The following DGKK variants were observed in gnomAD, a reference collection of about 807,000 sequenced individuals.
DGKK encodes diacylglycerol kinase kappa.
Under a neutral mutation model 92.2 loss-of-function variants are expected in DGKK, and 35 were observed. That is an observed-to-expected ratio of 0.38 (90% CI 0.29 to 0.50). The LOEUF is 0.50. Among genes scored for constraint, DGKK ranks in the 20% least tolerant of loss-of-function variants. The probability of loss-of-function intolerance (pLI) is 0.92; values close to 1 mark genes in which losing one functional copy is unlikely to be tolerated. For synonymous variants in DGKK, 368 were observed against 360.6 expected (o/e 1.02, Z -0.23); for missense variants, 910 against 992.2 (o/e 0.92, Z 1.11).
At chrX:50,386,231 T>C (rs1424762660) in intron 15 of DGKK, 127 bp downstream of exon 15, 3 of 501,352 alleles carry the variant, frequency 6.0e-6, no homozygotes, top group African/African-American at 4.8e-5. Context: ...GTATACAATA[T>C]GAATGCAGAA....
rs1925065193 is a variant in DGKK, at chrX:50,403,520, C to A, written c.1156G>T (p.Asp386Tyr). 1 of 1,208,701 alleles carries A rather than the reference C, an allele frequency of 8.3e-7. No homozygotes were observed. Among genetic ancestry groups the A allele is most frequent in the African/African-American group, 1.8e-5 (1 of 57,026 alleles). Reference protein sequence around the residue: ...DCKWNTLSITDDLLLPADEVN... With the variant: ...DCKWNTLSITYDLLLPADEVN... Reference sequence around the variant, plus strand: ...TCATCTGCAGGCAGAAGGAGGTCATCAGTGATAGACAATGTATTCCACTTG... The same window carrying A: ...TCATCTGCAGGCAGAAGGAGGTCATAAGTGATAGACAATGTATTCCACTTG... Residue 386 changes from aspartate to tyrosine, a missense_variant, in exon 6 of 28, where the codon GAT becomes TAT. Physicochemically the swap from Asp to Tyr is radical, Grantham distance 160. Transcript: ENST00000611977.
intron 15 of DGKK, among the ~76,000 whole-genome samples, chrX:50,386,001 A>G (rs782175980): frequency 8.9e-6 from 1 of 111,916 alleles, no homozygotes; most frequent in Admixed American, 9.5e-5. Flanking sequence ...CAGTGGTTGG[A>G]AAGAAACAGG....
At chrX:50,404,503 T>TGA (rs1925098734) in intron 4 of DGKK, among the ~76,000 whole-genome samples, 1 of 102,917 alleles carries the variant, frequency 9.7e-6, no homozygotes, top group Admixed American at 1.1e-4. Flanking sequence ...TGGAGTGCAG[T>TGA]GTCGCAATCT....
At chrX:50,428,706 C>T (rs1557229957) in intron 1 of DGKK, among the ~76,000 whole-genome samples, 1 of 111,768 alleles carries the variant, frequency 8.9e-6, no homozygotes, top group Admixed American at 9.4e-5. Flanking sequence ...GGCTTTGTGT[C>T]ATCAGCTCTG....
At chrX:50,377,082 T>C (rs1924295292) in intron 22 of DGKK, among the ~76,000 whole-genome samples, 164 bp from the exon 23 acceptor site, 1 of 112,168 alleles carries the variant, frequency 8.9e-6, no homozygotes, top group African/African-American at 3.2e-5. Context: ...CCCATCTATA[T>C]ACCTATACAA....
chrX:50,366,375 A>C lies in DGKK; in HGVS notation c.*2565T>G, dbSNP rs1557222496. On this transcript the variant is annotated 3_prime_UTR_variant, in exon 28 of 28. Transcript: ENST00000611977. ...CACCTGCTCCTGGGCCTTGTCATCT[A>C]TCAACTGTGCTCCATGAGCTGACTC... 9.0e-6 allele frequency: 1 copy of C among 111,687 alleles called. No homozygotes were observed. The highest frequency in any genetic ancestry group is 1.9e-5 in the Non-Finnish European group (1 of 53,195). The allele number at this position is 111,687 out of a possible 1,213,427, so 9.2% of individuals were successfully genotyped here.
chrX:50,470,199 C>G lies in DGKK; in HGVS notation c.480G>C (p.Glu160Asp). ...APEPTPEPVT[E>D]LAPEFCPEAA... The stretch of plus-strand genomic sequence containing the variant: ...CCTCAGGGCAGAACTCTGGGGCCAG[C>G]TCTGTCACAGGTTCTGGGGTCGGCT... The change falls in exon 1 of 28, where the codon GAG becomes GAC. Residue 160 changes from glutamate to aspartate, a missense_variant. By Grantham distance (45) the Glu-to-Asp change is conservative (BLOSUM62 2). Coordinates refer to ENST00000611977, the MANE Select transcript of DGKK (RefSeq NM_001013742.4). 1 of 1,212,024 alleles carries G rather than the reference C, an allele frequency of 8.3e-7. No individual in the cohort carries two copies. The highest frequency in any genetic ancestry group is 3.0e-5 in the East Asian group (1 of 33,842).
intron 27 of DGKK, among the ~76,000 whole-genome samples, chrX:50,370,029 A>G (rs1473585619): frequency 8.9e-6 from 1 of 112,224 alleles, no homozygotes; most frequent in Non-Finnish European, 1.9e-5. Context: ...TTCTGAAGAA[A>G]GAAGAAATGG....
At position 50,393,139 on chromosome X, in the gene DGKK, G is replaced by A. The variant is rs781845487; in HGVS notation, c.1595+13C>T. On this transcript the variant is annotated intron_variant, in intron 9 of 27. Transcript: ENST00000611977. Reference sequence around the variant, plus strand: ...CTTACATACCCAATCATATCCATGGGATACAGGCTTACCCTGCTTCAGGTC... The same window carrying A: ...CTTACATACCCAATCATATCCATGGAATACAGGCTTACCCTGCTTCAGGTC... 1.9e-5 allele frequency: 23 copies of A among 1,191,627 alleles called. No homozygotes were observed. In the Admixed American group the frequency reaches 4.9e-4, roughly 25 times the overall value.
At chrX:50,444,102 A>C (rs1170361711) in intron 1 of DGKK, among the ~76,000 whole-genome samples, 1 of 110,964 alleles carries the variant, frequency 9.0e-6, no homozygotes, top group African/African-American at 3.3e-5. Flanking sequence ...GGCTATCATA[A>C]ATAAAGCTGC....
intron 1 of DGKK, among the ~76,000 whole-genome samples, chrX:50,456,891 C>T (rs1419151422): frequency 2.7e-5 from 3 of 111,543 alleles, no homozygotes; most frequent in Non-Finnish European, 1.9e-5. Context: ...GGGTGTCTAG[C>T]CCGGAGGGGA....
chrX:50,389,192 C>T (rs1264057643), intron 12 of DGKK, among the ~76,000 whole-genome samples: 1 of 112,234 alleles, frequency 8.9e-6, no homozygotes, highest in African/African-American at 3.2e-5. Flanking sequence ...TCCAGGTAGT[C>T]TGGCTCTTGA....
At chrX:50,399,272 A>G (rs1557226373) in intron 8 of DGKK, among the ~76,000 whole-genome samples, 1 of 111,663 alleles carries the variant, frequency 9.0e-6, no homozygotes, top group African/African-American at 3.3e-5. Flanking sequence ...ACGCGTGCAC[A>G]TATATATGAG....
chrX:50,393,410 C>T (rs782626332), intron 8 of DGKK, 75 bp from the exon 9 acceptor site: 34 of 869,984 alleles, frequency 3.9e-5, no homozygotes, highest in Non-Finnish European at 5.1e-5. Flanking sequence ...GACTTAACAT[C>T]ACATTTTGCA....
intron 1 of DGKK, among the ~76,000 whole-genome samples, chrX:50,452,819 G>A (rs1926526151): frequency 9.0e-6 from 1 of 111,600 alleles, no homozygotes; most frequent in Non-Finnish European, 1.9e-5. Context: ...TAAATAAGAA[G>A]TGAGAGGTTA....
chrX:50,371,395 A>G lies in DGKK; in HGVS notation c.3612+329T>C, dbSNP rs556427578. On this transcript the variant is annotated intron_variant, in intron 26 of 27. Coordinates refer to ENST00000611977, the MANE Select transcript of DGKK (RefSeq NM_001013742.4). ...TCCTGGCAGCAGGTGCTGAGCAGGG[A>G]GGGGGAATTTGCAGCCAGGAAAACA... Among the ~76,000 whole-genome samples, 17 of 112,035 alleles carry G rather than the reference A, an allele frequency of 1.5e-4. No individual in the cohort carries two copies. The South Asian group carries it at 6.1e-3, about 40-fold the overall frequency.
chrX:50,398,688 C>A (rs983717730), intron 8 of DGKK, among the ~76,000 whole-genome samples: 3 of 111,818 alleles, frequency 2.7e-5, no homozygotes, highest in Non-Finnish European at 5.6e-5. Flanking sequence ...TTTAAAAACA[C>A]CAACACAAGG....
intron 1 of DGKK, among the ~76,000 whole-genome samples, chrX:50,442,293 C>T (rs782475120): frequency 1.8e-5 from 2 of 111,792 alleles, no homozygotes; most frequent in East Asian, 5.6e-4. Flanking sequence ...GCATAAAACA[C>T]ATTCCAAAAG....
intron 1 of DGKK, among the ~76,000 whole-genome samples, chrX:50,447,395 T>TTA (rs1397221836): frequency 3.1e-4 from 5 of 16,109 alleles, no homozygotes; most frequent in Non-Finnish European, 2.4e-4. Flanking sequence ...TATATATATA[T>TTA]TATATATATA....
Sources: gnomAD v4.1 joint callset for allele counts (sites outside exome capture counted in the v4.1 genomes callset) on GRCh38, gnomAD v4.1.1 for gene constraint, MANE v1.5 for transcripts, NCBI Gene and HGNC (gene_info 2026-07-23, HGNC 2026-07-21) for gene names.